Variants in CHERP observed in about 807,000 individuals in gnomAD.
CHERP encodes the protein calcium homeostasis endoplasmic reticulum protein.
Under a neutral mutation model 113.8 loss-of-function variants are expected in CHERP, and 8 were observed. The observed-to-expected ratio is 0.07, with a 90% CI of 0.04 to 0.13. The LOEUF (loss-of-function observed/expected upper bound fraction) is 0.13, where lower values mean the gene tolerates loss of function less well. Ranked by LOEUF, CHERP falls within the 10% of genes least tolerant of loss-of-function variation. The pLI is 1.00. For synonymous variants in CHERP, 559 were observed against 524.5 expected (o/e 1.07, Z -0.90); for missense variants, 884 against 1,298.2 (o/e 0.68, Z 4.90).
rs2085572956 is a variant in CHERP, at chr19:16,518,691, CAG to C, written c.*466_*467del. On this transcript the variant is annotated 3_prime_UTR_variant, in exon 17 of 17. Transcript: ENST00000546361. ...ACTGGGCTTCGGCTTTGTCCCTACA[CAG>C]CCGAGGGGAAGCCAGGTCAGGGCCG... 3 of 167,468 alleles carry C rather than the reference CAG, an allele frequency of 1.8e-5. No homozygotes were observed. The highest frequency in any genetic ancestry group is 3.8e-5 in the Non-Finnish European group (3 of 79,058). 10.4% of individuals were successfully genotyped at this position (167,468 alleles called of 1,614,324 possible).
Position 16,529,759 on chromosome 19 carries a change from G to T in CHERP, c.1018C>A (p.Gln340Lys), listed in dbSNP as rs1027771704. 1.2e-6 allele frequency: 2 copies of T among 1,612,096 alleles called. No individual in the cohort carries two copies. Among genetic ancestry groups the T allele is most frequent in the Non-Finnish European group, 1.7e-6 (2 of 1,179,452 alleles). ...QQQQQQQQQQ[Q>K]QLQMPQMEAE... ...TCCATCTGCGGCATCTGGAGCTGCT[G>T]CTGCTGCTGTTGCTGCTGCTGCTGC... Residue 340 changes from glutamine (Q) to lysine (K), a missense_variant, in exon 8 of 17, where the codon CAG becomes AAG. Physicochemically the swap from Gln to Lys is moderately conservative, Grantham distance 53 (BLOSUM62 1). This residue lies in a region of CHERP where 464 missense variants were observed against 590.1 expected (regional missense o/e 0.79). Coordinates refer to ENST00000546361, the MANE Select transcript of CHERP (RefSeq NM_006387.6).
chr19:16,532,910 GCAC>G lies in CHERP; in HGVS notation c.522+98_522+100del. The G allele has an allele frequency of 6.6e-7, 1 of 1,511,774 alleles. No homozygotes were observed. Among genetic ancestry groups the G allele is most frequent in the Non-Finnish European group, 8.9e-7 (1 of 1,121,920 alleles). The allele number at this position is 1,511,774 out of a possible 1,614,324, so 93.6% of individuals were successfully genotyped here. A position where few individuals can be genotyped will look rare whatever the true frequency, so the allele number is the denominator to read the frequency against. The stretch of plus-strand genomic sequence containing the variant: ...CAGGAGCTCCAGGCGGGAGGGAAGG[GCAC>G]CCATTGTAACAGCCCTTAGCCCAGA... On this transcript the variant is annotated intron_variant, in intron 4 of 16. Coordinates refer to ENST00000546361, the MANE Select transcript of CHERP (RefSeq NM_006387.6). This position sits in a 1 kb window ranked among gnomAD's most constrained non-coding sequence, Gnocchi z 4.4.
chr19:16,541,745 T>A, intron 2 of CHERP, 125 bp downstream of exon 2: 1 of 999,882 alleles, frequency 1.0e-6, no homozygotes, highest in Non-Finnish European at 1.5e-6. Context: ...AGGGATCGTG[T>A]GGACCGAGCT....
Position 16,520,303 on chromosome 19 carries a change from GCGT to G in CHERP, c.2346-41_2346-39del, listed in dbSNP as rs2122240680. ...GTGCCCAAGGGTCAGCAGCAGCCAG[GCGT>G]CGTGGGGAGGCCACAGGAAGAGGCC... On this transcript the variant is annotated intron_variant, in intron 14 of 16. Coordinates refer to ENST00000546361, the MANE Select transcript of CHERP (RefSeq NM_006387.6). The surrounding 1 kb of genome is among the most constrained non-coding windows in gnomAD (Gnocchi z 4.0). 1.2e-6 allele frequency: 2 copies of G among 1,611,400 alleles called. No homozygotes were observed. The highest frequency in any genetic ancestry group is 1.7e-6 in the Non-Finnish European group (2 of 1,178,242).
chr19:16,528,014 T>C (rs1180261738), intron 9 of CHERP, 66 bp downstream of exon 9: 10 of 1,501,850 alleles, frequency 6.7e-6, no homozygotes, highest in African/African-American at 2.8e-5. Context: ...CCAACTGGCA[T>C]AGGGGAGGCT....
At chr19:16,527,156 C>T (rs1171057435) in intron 9 of CHERP, among the ~76,000 whole-genome samples, 1 of 152,222 alleles carries the variant, frequency 6.6e-6, no homozygotes, top group Non-Finnish European at 1.5e-5. Flanking sequence ...GAGCCCAACC[C>T]TCTGGTCTGC....
chr19:16,529,617 G>C lies in CHERP; in HGVS notation c.1129+31C>G, dbSNP rs774632506. On this transcript the variant is annotated intron_variant, in intron 8 of 16. Coordinates refer to ENST00000546361, the MANE Select transcript of CHERP (RefSeq NM_006387.6). The stretch of plus-strand genomic sequence containing the variant: ...GCCCAGCCTCTGGGGGCTGTTTCCT[G>C]GGGGCAGGCTGAGCTGAGGGAGCCC... 3.3e-6 allele frequency: 5 copies of C among 1,530,078 alleles called. 1 individual carries two copies. Among genetic ancestry groups the C allele is most frequent in the Middle Eastern group, 4.1e-4 (2 of 4,898 alleles). 94.8% of individuals were successfully genotyped at this position (1,530,078 alleles called of 1,614,324 possible). A position where few individuals can be genotyped will look rare whatever the true frequency, so the allele number is the denominator to read the frequency against.
At chr19:16,533,666 G>A (rs1010782761) in intron 3 of CHERP, among the ~76,000 whole-genome samples, 17 of 152,058 alleles carry the variant, frequency 1.1e-4, no homozygotes, top group Non-Finnish European at 2.5e-4. Flanking sequence ...AGGCTGAGGC[G>A]GAAGGATTGC....
intron 9 of CHERP, among the ~76,000 whole-genome samples, chr19:16,526,714 AC>A (rs2085660074): frequency 6.6e-6 from 1 of 151,208 alleles, no homozygotes; most frequent in Admixed American, 6.6e-5. Flanking sequence ...TGATCTGCCC[AC>A]CTCAGCCTCC....
chr19:16,528,856 G>A (rs887044102), intron 8 of CHERP, among the ~76,000 whole-genome samples: 1 of 152,178 alleles, frequency 6.6e-6, no homozygotes, highest in African/African-American at 2.4e-5. Flanking sequence ...AGGAGGCTGA[G>A]GTAGGAGAAT....
Position 16,535,335 on chromosome 19 carries a change from G to A in CHERP, c.384+117C>T. On this transcript the variant is annotated intron_variant, in intron 3 of 16. Transcript: ENST00000546361. This position sits in a 1 kb window ranked among gnomAD's most constrained non-coding sequence, Gnocchi z 4.3. ...AGTGGCTGACATGCACCGAGCCCTG[G>A]GTGGCAGGGGGGGCCCTGTCCTCAC... The A allele has an allele frequency of 4.6e-6, 5 of 1,091,262 alleles. No individual in the cohort carries two copies. The highest frequency in any genetic ancestry group is 6.6e-6 in the Non-Finnish European group (5 of 759,850). 67.6% of individuals were successfully genotyped at this position (1,091,262 alleles called of 1,614,324 possible).
chr19:16,519,088 C>T lies in CHERP; in HGVS notation c.*71G>A. On this transcript the variant is annotated 3_prime_UTR_variant, in exon 17 of 17. Coordinates refer to ENST00000546361, the MANE Select transcript of CHERP (RefSeq NM_006387.6). This position sits in a 1 kb window ranked among gnomAD's most constrained non-coding sequence, Gnocchi z 6.0. ...GAACTGAGCTGTCACTGCAATCTTC[C>T]TCTGCCAGTCAGCCAGGAAGGTCCC... The T allele has an allele frequency of 7.2e-7, 1 of 1,388,820 alleles. No individual in the cohort carries two copies. The highest frequency in any genetic ancestry group is 9.9e-7 in the Non-Finnish European group (1 of 1,007,144). 86.0% of individuals were successfully genotyped at this position (1,388,820 alleles called of 1,614,324 possible).
rs1230832091 is a variant in CHERP at position 16,518,880 on chromosome 19, G to A, written c.*279C>T. 1.7e-5 allele frequency: 8 copies of A among 473,200 alleles called. No homozygotes were observed. Among genetic ancestry groups the A allele is most frequent in the African/African-American group, 6.0e-5 (3 of 49,898 alleles). The allele number at this position is 473,200 out of a possible 1,614,324, so 29.3% of individuals were successfully genotyped here. ...GCTGAAGAATTTACTCGGGCGGAGG[G>A]TCTTGTGTTTTTTGCTTCGCTATAA... is the stretch of plus-strand genomic sequence containing the variant. On this transcript the variant is annotated 3_prime_UTR_variant, in exon 17 of 17. Coordinates refer to ENST00000546361, the MANE Select transcript of CHERP (RefSeq NM_006387.6).
intron 2 of CHERP, among the ~76,000 whole-genome samples, chr19:16,539,427 G>A (rs967637291): frequency 7.9e-5 from 12 of 152,172 alleles, no homozygotes; most frequent in Non-Finnish European, 4.4e-5. Context: ...GATTACAGGC[G>A]TGAGCCACCG....
rs183319111 is a variant in CHERP, at chr19:16,529,828, G to A, written c.949C>T (p.Leu317Phe). The A allele has an allele frequency of 1.1e-3, 1,776 of 1,613,824 alleles. 1 individual carries two copies. Among genetic ancestry groups the A allele is most frequent in the Non-Finnish European group, 1.4e-3 (1,700 of 1,179,990 alleles). ...QLAFQQQIQT[L>F]KTQHEEFVTS... ...ACAAACTCCTCGTGCTGCGTCTTGA[G>A]GGTCTGGATCTGCTGCTGGAAGGCC... is the stretch of plus-strand genomic sequence containing the variant. The change falls in exon 8 of 17, where the codon CTC (leucine) becomes TTC (phenylalanine). Residue 317 changes from leucine to phenylalanine, a missense_variant. This residue lies in a region of CHERP where 464 missense variants were observed against 590.1 expected (regional missense o/e 0.79). Transcript: ENST00000546361.
Position 16,523,256 on chromosome 19 carries a change from G to T in CHERP, c.1776C>A (p.Arg592=), listed in dbSNP as rs2085633950. 6.2e-7 allele frequency: 1 copy of T among 1,603,618 alleles called. No homozygotes were observed. Among genetic ancestry groups the T allele is most frequent in the African/African-American group, 1.3e-5 (1 of 74,094 alleles). Residue 592 remains arginine (R), a synonymous_variant, in exon 11 of 17, where the codon CGC becomes CGA. Transcript: ENST00000546361. This position sits in a 1 kb window ranked among gnomAD's most constrained non-coding sequence, Gnocchi z 4.0. ...MGPPHHHPGH[R]MPHPGINEHP... is the part of the protein sequence containing the mutation. ...GCTCGTTGATGCCAGGATGAGGCAT[G>T]CGGTGGCCAGGGTGGTGGTGAGGGG...
intron 1 of CHERP, 72 bp downstream of exon 1, chr19:16,542,282 C>A: frequency 7.5e-7 from 1 of 1,326,434 alleles, no homozygotes; most frequent in South Asian, 1.8e-5. Context: ...CCCGGGGACT[C>A]CGGGAGGCGG....
chr19:16,532,555 G>A lies in CHERP; in HGVS notation c.674+43C>T, dbSNP rs2085713711. The A allele has an allele frequency of 3.3e-6, 5 of 1,536,120 alleles. No individual in the cohort carries two copies. The highest frequency in any genetic ancestry group is 4.4e-6 in the Non-Finnish European group (5 of 1,140,788). Reference sequence around the variant, plus strand: ...GGCCACCCAGGAGGGTTGAGGAGGAGCGCGAGGAAGTGGCGCTCTGGGCAC... The same window carrying A: ...GGCCACCCAGGAGGGTTGAGGAGGAACGCGAGGAAGTGGCGCTCTGGGCAC... On this transcript the variant is annotated intron_variant, in intron 5 of 16. Transcript: ENST00000546361. The surrounding 1 kb of genome is among the most constrained non-coding windows in gnomAD (Gnocchi z 4.4).
At chr19:16,528,430 G>T (rs1313580286) in intron 8 of CHERP, among the ~76,000 whole-genome samples, 175 bp from the exon 9 acceptor site, 1 of 152,208 alleles carries the variant, frequency 6.6e-6, no homozygotes, top group Non-Finnish European at 1.5e-5. Flanking sequence ...AGGGCGAGGG[G>T]AGGTTTCGAC....
Sources: allele counts gnomAD v4.1 joint callset (sites outside exome capture counted in the v4.1 genomes callset), GRCh38; gene constraint gnomAD v4.1.1; regional missense constraint gnomAD v4.1.1; non-coding constraint Gnocchi (gnomAD v3.1); transcripts MANE v1.5; gene names NCBI Gene and HGNC (gene_info 2026-07-23, HGNC 2026-07-21).